DNMT3B: variants seen among roughly 807,000 people sequenced by gnomAD.
DNMT3B encodes the protein DNA methyltransferase 3 beta, also known as DNA (cytosine-5)-methyltransferase 3B.
Under a neutral mutation model 120.2 loss-of-function variants are expected in DNMT3B, and 37 were observed. That is an observed-to-expected ratio of 0.31 (90% CI 0.24 to 0.40). The LOEUF (loss-of-function observed/expected upper bound fraction) is 0.40. Among genes scored for constraint, DNMT3B ranks in the 10% least tolerant of loss-of-function variants. The pLI, the probability that DNMT3B is intolerant of heterozygous loss-of-function variation, is 1.00. For synonymous variants in DNMT3B, 412 were observed against 442.8 expected (o/e 0.93, Z 0.87); for missense variants, 878 against 1,137.3 (o/e 0.77, Z 3.28).
At chr20:32,783,941 A>C (rs1376062153) in intron 3 of DNMT3B, among the ~76,000 whole-genome samples, 7 of 126,688 alleles carry the variant, frequency 5.5e-5, no homozygotes, top group African/African-American at 2.2e-4. Context: ...ATGGAGTCTT[A>C]CTCTTGTTCC....
At chr20:32,773,167 G>C (rs1317790579) in intron 1 of DNMT3B, among the ~76,000 whole-genome samples, 2 of 151,762 alleles carry the variant, frequency 1.3e-5, no homozygotes, top group Non-Finnish European at 2.9e-5. Flanking sequence ...GCCCAGGCTG[G>C]AGTGCAGTGG....
At chr20:32,793,695 G>A in intron 10 of DNMT3B, 100 bp downstream of exon 10, 2 of 1,383,550 alleles carry the variant, frequency 1.4e-6, no homozygotes, top group Non-Finnish European at 2.0e-6. Context: ...CAAATTTCTT[G>A]AAAAGTCAAT....
intron 3 of DNMT3B, among the ~76,000 whole-genome samples, chr20:32,783,817 C>A (rs553743732): frequency 6.6e-6 from 1 of 152,270 alleles, no homozygotes; most frequent in South Asian, 2.1e-4. Context: ...CCTCCGCCTC[C>A]CAGGTTCAAG....
At chr20:32,764,725 G>A (rs1259780750) in intron 1 of DNMT3B, among the ~76,000 whole-genome samples, 1 of 152,220 alleles carries the variant, frequency 6.6e-6, no homozygotes, top group Non-Finnish European at 1.5e-5. Context: ...GGGGTGGAGA[G>A]TGCTGAGACA....
chr20:32,773,934 G>GTTTTT (rs1161730284), intron 1 of DNMT3B, among the ~76,000 whole-genome samples: 1,989 of 69,146 alleles, frequency 0.029, 404 homozygotes, highest in South Asian at 0.051. Context: ...CCCGGCAGTG[G>GTTTTT]TTTTTTTTTT....
rs778370717 is a variant in DNMT3B at position 32,780,475 on chromosome 20, C to A, written c.142+10C>A. ...ACCCCGGAGATCAGAGGTGGCTGGG[C>A]AGTGGGGACTGGGGTGGTGTCAGGC... On this transcript the variant is annotated intron_variant, in intron 2 of 22. Transcript: ENST00000328111. The A allele has an allele frequency of 6.2e-7, 1 of 1,611,242 alleles. No individual in the cohort carries two copies. The highest frequency in any genetic ancestry group is 2.2e-5 in the East Asian group (1 of 44,870).
chr20:32,785,900 T>C (rs1979217388), intron 4 of DNMT3B, among the ~76,000 whole-genome samples: 1 of 151,062 alleles, frequency 6.6e-6, no homozygotes, highest in South Asian at 2.1e-4. Context: ...TTCTTTTTTT[T>C]TGAGATGCAG....
intron 14 of DNMT3B, among the ~76,000 whole-genome samples, chr20:32,797,677 T>TG (rs397865156): frequency 6.6e-6 from 1 of 151,358 alleles, no homozygotes; most frequent in African/African-American, 2.4e-5. Context: ...TTTTTTTTTT[T>TG]GAGGTGGAGT....
chr20:32,804,576 C>G (rs1213867794), intron 20 of DNMT3B, among the ~76,000 whole-genome samples: 1 of 152,102 alleles, frequency 6.6e-6, no homozygotes, highest in Non-Finnish European at 1.5e-5. Context: ...TGTTCTGGAG[C>G]TGCTCAACTA....
In DNMT3B at chr20:32,762,605, C is replaced by T. The variant is rs560633426; in HGVS notation, c.-101C>T. ...GCGATCGGCGCCGGAGATTCGCGAGCCCAGCGCCCTGCACGGCCGCCAGCC... is the reference window on the plus strand; with the variant it reads ...GCGATCGGCGCCGGAGATTCGCGAGTCCAGCGCCCTGCACGGCCGCCAGCC... On this transcript the variant is annotated 5_prime_UTR_variant, in exon 1 of 23. Coordinates refer to ENST00000328111, the MANE Select transcript of DNMT3B (RefSeq NM_006892.4). 4 of 318,480 alleles carry T rather than the reference C, an allele frequency of 1.3e-5. No homozygotes were observed. Among genetic ancestry groups the T allele is most frequent in the South Asian group, 4.7e-5 (2 of 42,788 alleles). 19.7% of individuals were successfully genotyped at this position (318,480 alleles called of 1,614,324 possible).
Position 32,801,402 on chromosome 20 carries a change from G to C in DNMT3B, c.2121G>C (p.Lys707Asn). 6.2e-7 allele frequency: 1 copy of C among 1,614,136 alleles called. No homozygotes were observed. Among genetic ancestry groups the C allele is most frequent in the Non-Finnish European group, 8.5e-7 (1 of 1,180,042 alleles). ...ENVVAMKVGDKRDISRFLECN... is the reference protein window; with the variant it reads ...ENVVAMKVGDNRDISRFLECN... ...TTGTAGCCATGAAGGTTGGCGACAA[G>C]AGGGACATCTCACGGTTCCTGGAGG... is the stretch of plus-strand genomic sequence containing the variant. The change falls in exon 19 of 23, where the codon AAG becomes AAC. Residue 707 changes from lysine to asparagine, a missense_variant. This residue lies in a region of DNMT3B where 334 missense variants were observed against 518.8 expected (regional missense o/e 0.64). Coordinates refer to ENST00000328111, the MANE Select transcript of DNMT3B (RefSeq NM_006892.4).
chr20:32,779,810 G>T, intron 1 of DNMT3B: 1 of 549,166 alleles, frequency 1.8e-6, no homozygotes, highest in Non-Finnish European at 3.3e-6. Flanking sequence ...GGTTCTGTGG[G>T]GGAGGAGGGG....
At chr20:32,772,070 A>G (rs892459503) in intron 1 of DNMT3B, among the ~76,000 whole-genome samples, 10 of 152,042 alleles carry the variant, frequency 6.6e-5, no homozygotes, top group African/African-American at 2.2e-4. Context: ...TAAGTACTGC[A>G]CTCTTTGCCC....
chr20:32,803,024 G>A (rs1194059619), intron 20 of DNMT3B, among the ~76,000 whole-genome samples: 2 of 152,148 alleles, frequency 1.3e-5, no homozygotes, highest in African/African-American at 4.8e-5. Flanking sequence ...CTCCTGCCCT[G>A]GAGATGAAGC....
Position 32,807,994 on chromosome 20 carries a change from C to T in DNMT3B, c.*91C>T. The T allele has an allele frequency of 1.2e-6, 2 of 1,605,774 alleles. No homozygotes were observed. Among genetic ancestry groups the T allele is most frequent in the Non-Finnish European group, 1.7e-6 (2 of 1,175,456 alleles). ...GAAGGCATCCCCAGGCCCTGCTCTTCCTCAGCTGTGTGGGTCATACCGTGT... is the reference window on the plus strand; with the variant it reads ...GAAGGCATCCCCAGGCCCTGCTCTTTCTCAGCTGTGTGGGTCATACCGTGT... On this transcript the variant is annotated 3_prime_UTR_variant, in exon 23 of 23. Coordinates refer to ENST00000328111, the MANE Select transcript of DNMT3B (RefSeq NM_006892.4).
intron 1 of DNMT3B, among the ~76,000 whole-genome samples, chr20:32,764,589 C>T (rs1390563892): frequency 1.3e-5 from 2 of 152,148 alleles, no homozygotes; most frequent in Admixed American, 6.6e-5. Context: ...TGTTCCCTTT[C>T]GAACGGAGTC....
chr20:32,774,441 C>T (rs1301414734), intron 1 of DNMT3B, among the ~76,000 whole-genome samples: 3 of 150,964 alleles, frequency 2.0e-5, no homozygotes, highest in Admixed American at 6.6e-5. Context: ...GAGCTCCTGA[C>T]CTCGTGATCT....
At chr20:32,775,617 G>A (rs764932690) in intron 1 of DNMT3B, among the ~76,000 whole-genome samples, 1 of 152,206 alleles carries the variant, frequency 6.6e-6, no homozygotes, top group Admixed American at 6.5e-5. Context: ...TGAATCACAC[G>A]CTGGACCCCA....
intron 1 of DNMT3B, 165 bp from the exon 2 acceptor site, chr20:32,780,153 G>A: frequency 6.2e-7 from 1 of 1,613,746 alleles, no homozygotes. Flanking sequence ...TTGGTGAGGG[G>A]GAGGCTATGG....
Sources: gnomAD v4.1 joint callset for allele counts (sites outside exome capture counted in the v4.1 genomes callset) on GRCh38, gnomAD v4.1.1 for gene constraint, gnomAD v4.1.1 regional missense constraint, MANE v1.5 for transcripts, NCBI Gene and HGNC (gene_info 2026-07-23, HGNC 2026-07-21) for gene names.